The following TIAM2 variants were observed in gnomAD, a reference collection of about 807,000 sequenced individuals.
TIAM2 encodes rho guanine nucleotide exchange factor TIAM2.
Under a neutral mutation model 152.9 loss-of-function variants are expected in TIAM2, and 80 were observed. The ratio of observed to expected loss-of-function variants is 0.52; its 90% CI spans 0.44 to 0.63. TIAM2 has a LOEUF of 0.63. Among genes scored for constraint, TIAM2 ranks in the 30% least tolerant of loss-of-function variants. TIAM2 has a pLI of 0.00. For synonymous variants in TIAM2, 804 were observed against 838.0 expected, an observed-to-expected ratio of 0.96 and a Z score of 0.70; for missense variants, 1,965 against 2,120.1, an observed-to-expected ratio of 0.93 and a Z score of 1.44.
intron 14 of TIAM2, among the ~76,000 whole-genome samples, chr6:155,185,558 A>C (rs1265641764): frequency 6.6e-6 from 1 of 151,266 alleles, no homozygotes; most frequent in Non-Finnish European, 1.5e-5. Context: ...AAACAGAATA[A>C]AGAGGCAGTC....
At chr6:155,071,246 G>C (rs1777832325) in intron 1 of TIAM2, among the ~76,000 whole-genome samples, 1 of 152,154 alleles carries the variant, frequency 6.6e-6, no homozygotes, top group East Asian at 1.9e-4. Flanking sequence ...GTTATGTGTT[G>C]GCTTTCCAGA....
At chr6:155,154,394 G>A (rs1490070208) in intron 7 of TIAM2, among the ~76,000 whole-genome samples, 5 of 152,126 alleles carry the variant, frequency 3.3e-5, no homozygotes, top group African/African-American at 1.2e-4. Context: ...TACCGGCTGA[G>A]CTACATACGG....
At chr6:155,016,554 A>G (rs993965774) in intron 1 of TIAM2, among the ~76,000 whole-genome samples, 2 of 127,038 alleles carry the variant, frequency 1.6e-5, no homozygotes, top group South Asian at 2.6e-4. Flanking sequence ...TTTAAATGGT[A>G]TTTACATTTA....
rs149667405 is a variant in TIAM2, at chr6:155,249,891, T to G, written c.3873T>G (p.Asn1291Lys). 5.0e-5 allele frequency: 81 copies of G among 1,614,022 alleles called. No individual in the cohort carries two copies. Among genetic ancestry groups the G allele is most frequent in the Non-Finnish European group, 6.4e-5 (76 of 1,180,018 alleles). Residue 1291 changes from asparagine (N) to lysine (K), a missense_variant, in exon 21 of 27, where the codon AAT (asparagine) becomes AAG (lysine). Around this residue, in one of 3 missense-constraint regions of TIAM2, gnomAD observed 935 missense variants for 980.0 expected, o/e 0.95. Coordinates refer to ENST00000682666, the MANE Select transcript of TIAM2 (RefSeq NM_012454.4). ...KAMEKVASHI[N>K]EMQKIYEDYG... The stretch of plus-strand genomic sequence containing the variant: ...TGGAGAAAGTAGCGAGCCACATCAA[T>G]GAGATGCAGAAGATCTATGAGGATT...
chr6:155,102,811 A>G (rs974699644), intron 2 of TIAM2, among the ~76,000 whole-genome samples: 10 of 137,028 alleles, frequency 7.3e-5, no homozygotes, highest in African/African-American at 2.5e-4. Context: ...GTGTGTGTGT[A>G]TACATATATT....
intron 1 of TIAM2, among the ~76,000 whole-genome samples, chr6:155,028,373 A>T (rs1404684780): frequency 1.6e-5 from 2 of 124,652 alleles, no homozygotes; most frequent in Non-Finnish European, 3.2e-5. Flanking sequence ...TATAATATAT[A>T]TACTGTGTTA....
intron 23 of TIAM2, among the ~76,000 whole-genome samples, chr6:155,252,674 C>T (rs1489298647): frequency 6.6e-6 from 1 of 152,184 alleles, no homozygotes; most frequent in Non-Finnish European, 1.5e-5. Context: ...GTTTACCATT[C>T]AGAGGCAGCG....
At chr6:155,065,234 G>A (rs552510099) in intron 1 of TIAM2, among the ~76,000 whole-genome samples, 8 of 151,982 alleles carry the variant, frequency 5.3e-5, no homozygotes, top group Non-Finnish European at 7.4e-5. Context: ...GATTACAGGC[G>A]TGAGCCACCA....
intron 15 of TIAM2, among the ~76,000 whole-genome samples, chr6:155,229,455 C>G (rs1425166303): frequency 6.6e-5 from 10 of 152,204 alleles, no homozygotes; most frequent in Non-Finnish European, 1.2e-4. Context: ...TCTTGACCAC[C>G]CTTTAAATGT....
Position 155,130,056 on chromosome 6 carries a change from A to G in TIAM2, c.833A>G (p.His278Arg). Residue 278 changes from histidine to arginine, a missense_variant, in exon 4 of 27, where the codon CAT becomes CGT. Transcript: ENST00000682666. ...LAPGMPDPSL[H>R]ASFPPGDAKK... ...CCCGGCATGCCTGACCCCAGTCTCCATGCCAGCTTCCCACCTGGCGATGCC... is the reference window on the plus strand; with the variant it reads ...CCCGGCATGCCTGACCCCAGTCTCCGTGCCAGCTTCCCACCTGGCGATGCC... 2 of 1,614,058 alleles carry G rather than the reference A, an allele frequency of 1.2e-6. No homozygotes were observed. Among genetic ancestry groups the G allele is most frequent in the South Asian group, 2.2e-5 (2 of 91,084 alleles).
In TIAM2 at chr6:155,213,502, T is replaced by G. The variant is rs1583253449; in HGVS notation, c.3168+2195T>G. On this transcript the variant is annotated intron_variant, in intron 15 of 26. Transcript: ENST00000682666. The surrounding 1 kb of genome is among the most constrained non-coding windows in gnomAD (Gnocchi z 4.2). ...TGGCTGAGTCCAGGGCTCAGAGGGG[T>G]GGAAATGTGCACTGATTGGTCCATA... Among the ~76,000 whole-genome samples, 1 of 151,678 alleles carries G rather than the reference T, an allele frequency of 6.6e-6. No individual in the cohort carries two copies. Among genetic ancestry groups the G allele is most frequent in the African/African-American group, 2.4e-5 (1 of 41,258 alleles).
At chr6:155,087,710 T>C (rs1778203578) in intron 1 of TIAM2, among the ~76,000 whole-genome samples, 1 of 151,802 alleles carries the variant, frequency 6.6e-6, no homozygotes, top group Admixed American at 6.6e-5. Flanking sequence ...GATCGCGCCA[T>C]TACACTCCAG....
chr6:155,247,785 G>A (rs1339889691), intron 19 of TIAM2, among the ~76,000 whole-genome samples: 2 of 152,172 alleles, frequency 1.3e-5, no homozygotes, highest in African/African-American at 4.8e-5. Flanking sequence ...TTCCATCCTC[G>A]GAAGCTCCCA....
rs1163100464 is a variant in TIAM2, at chr6:155,214,145, C to T, written c.3168+2838C>T. Among the ~76,000 whole-genome samples, 1 of 152,248 alleles carries T rather than the reference C, an allele frequency of 6.6e-6. No individual in the cohort carries two copies. On this transcript the variant is annotated intron_variant, in intron 15 of 26. Transcript: ENST00000682666. The surrounding 1 kb of genome is among the most constrained non-coding windows in gnomAD (Gnocchi z 5.4). ...CTGTGCCCGAGGAGCACGAGGCTCC[C>T]GCCCTGCCACTTCAGGATTGGGTGG...
At chr6:155,249,020 A>T (rs1303680348) in intron 20 of TIAM2, among the ~76,000 whole-genome samples, 1 of 152,244 alleles carries the variant, frequency 6.6e-6, no homozygotes, top group African/African-American at 2.4e-5. Context: ...TCTATAAGTA[A>T]ATAATACAAA....
rs138675633 is a variant in TIAM2 at position 155,239,210 on chromosome 6, T to A, written c.3169-1320T>A. On this transcript the variant is annotated intron_variant, in intron 15 of 26. Coordinates refer to ENST00000682666, the MANE Select transcript of TIAM2 (RefSeq NM_012454.4). ...TGGATAGAGGTCAGGCATGAAGGCA[T>A]TTAAGCTGAAAAAAGGAGAGTTTTT... Among the ~76,000 whole-genome samples, 675 of 152,318 alleles carry A rather than the reference T, an allele frequency of 4.4e-3. 8 individuals carry two copies. Among genetic ancestry groups the A allele is most frequent in the African/African-American group, 0.015 (644 of 41,580 alleles).
At chr6:155,179,505 C>T in intron 12 of TIAM2, 49 bp downstream of exon 12, 3 of 1,522,414 alleles carry the variant, frequency 2.0e-6, no homozygotes, top group Non-Finnish European at 2.7e-6. Context: ...TTCATCTTTG[C>T]CTACTTTGCC....
At chr6:155,237,026 C>T (rs957873905) in intron 15 of TIAM2, among the ~76,000 whole-genome samples, 4 of 152,206 alleles carry the variant, frequency 2.6e-5, no homozygotes, top group Admixed American at 2.0e-4. Context: ...GAAAGGTCTA[C>T]AGTCTAAAAT....
chr6:155,217,080 A>C (rs1049763498), intron 15 of TIAM2: 5 of 1,289,444 alleles, frequency 3.9e-6, no homozygotes, highest in Non-Finnish European at 5.1e-6. Flanking sequence ...TTTCCTTTTT[A>C]TGTACAGCAT....
Sources: allele counts gnomAD v4.1 joint callset (sites outside exome capture counted in the v4.1 genomes callset), GRCh38; gene constraint gnomAD v4.1.1; regional missense constraint gnomAD v4.1.1; non-coding constraint Gnocchi (gnomAD v3.1); transcripts MANE v1.5; gene names NCBI Gene and HGNC (gene_info 2026-07-23, HGNC 2026-07-21).